The following RNF212 variants were observed in gnomAD, a reference collection of about 807,000 sequenced individuals.
The protein encoded by RNF212 is probable E3 SUMO-protein ligase RNF212.
Under a neutral mutation model 34.7 loss-of-function variants are expected in RNF212, and 33 were observed. The observed-to-expected ratio is 0.95, with a 90% CI of 0.72 to 1.27. The LOEUF is 1.27. RNF212 is among the 50% of genes most tolerant of loss of function. RNF212 has a pLI of 0.00. For missense variants in RNF212, 377 were observed against 362.2 expected, an observed-to-expected ratio of 1.04 and a Z score of -0.33; for synonymous variants, 140 against 136.1, an observed-to-expected ratio of 1.03 and a Z score of -0.20.
At chr4:1,091,539 C>T (rs905514520) in intron 3 of RNF212, among the ~76,000 whole-genome samples, 2 of 152,176 alleles carry the variant, frequency 1.3e-5, no homozygotes, top group Non-Finnish European at 2.9e-5. Context: ...TGAAAGTCGG[C>T]GTCCTCTAGC....
intron 3 of RNF212, among the ~76,000 whole-genome samples, chr4:1,061,234 T>C (rs1039822443): frequency 1.3e-5 from 2 of 152,046 alleles, no homozygotes; most frequent in East Asian, 1.9e-4. Flanking sequence ...CCTACCCCAC[T>C]CTACCCAGCA....
chr4:1,083,516 TA>T (rs1339552884), intron 5 of RNF212, among the ~76,000 whole-genome samples: 2 of 152,018 alleles, frequency 1.3e-5, no homozygotes, highest in Non-Finnish European at 2.9e-5. Flanking sequence ...GGTGGGGCTG[TA>T]ATCCCAGCTA....
At chr4:1,073,768 C>T (rs868745518) in intron 8 of RNF212, 106 bp from the exon 9 acceptor site, 1 of 760,112 alleles carries the variant, frequency 1.3e-6, no homozygotes, top group Non-Finnish European at 2.3e-6. Context: ...CCCCATCTCC[C>T]TCATCTTTAT....
chr4:1,090,839 C>T lies in RNF212; in HGVS notation c.247-1G>A, dbSNP rs997211888. ...TGTGTTTTTCTTGAAATTCTAAAAT[C>T]TGAAAAGATCATAGGTTTCAGCTGC... On this transcript the variant is annotated splice_acceptor_variant, in intron 3 of 9. Coordinates refer to ENST00000433731, the MANE Select transcript of RNF212 (RefSeq NM_001131034.4). LOFTEE classifies it high-confidence loss of function. 6.3e-7 allele frequency: 1 copy of T among 1,581,800 alleles called. No individual in the cohort carries two copies. The highest frequency in any genetic ancestry group is 8.7e-7 in the Non-Finnish European group (1 of 1,151,490).
At chr4:1,104,859 C>T (rs886801585) in intron 2 of RNF212, among the ~76,000 whole-genome samples, 5 of 152,166 alleles carry the variant, frequency 3.3e-5, no homozygotes, top group Non-Finnish European at 7.4e-5. Flanking sequence ...GGCAGGACAG[C>T]TAAGAAACAC....
At chr4:1,093,981 T>C (rs1722636531) in intron 3 of RNF212, 2 of 1,535,880 alleles carry the variant, frequency 1.3e-6, no homozygotes, top group Non-Finnish European at 1.7e-6. Flanking sequence ...GGGCATAACT[T>C]GAGACGGCAA....
chr4:1,078,419 T>G (rs1719689141), intron 8 of RNF212, among the ~76,000 whole-genome samples: 1 of 152,166 alleles, frequency 6.6e-6, no homozygotes, highest in Non-Finnish European at 1.5e-5. Flanking sequence ...CATCTGGCGC[T>G]GAGTTCTGCC....
intron 8 of RNF212, among the ~76,000 whole-genome samples, chr4:1,075,345 A>G (rs559245063): frequency 1.3e-4 from 20 of 152,378 alleles, no homozygotes; most frequent in African/African-American, 4.8e-4. Context: ...TAACTGGCTC[A>G]TGCTTCTGAG....
At position 1,090,370 on chromosome 4, in the gene RNF212, C is replaced by A. The variant is rs541864921; in HGVS notation, c.303+412G>T. Among the ~76,000 whole-genome samples the A allele has an allele frequency of 2.0e-5, 3 of 152,256 alleles. No homozygotes were observed. In the South Asian group the frequency reaches 6.2e-4, roughly 32 times the overall value. The stretch of plus-strand genomic sequence containing the variant: ...GACTTGGGGAAGCGGCCCCAGGTTC[C>A]CTTGTCTTTAAAGCTGGGTTCCTGA... On this transcript the variant is annotated intron_variant, in intron 4 of 9. Coordinates refer to ENST00000433731, the MANE Select transcript of RNF212 (RefSeq NM_001131034.4).
chr4:1,097,951 G>A (rs1380284342), intron 2 of RNF212, among the ~76,000 whole-genome samples: 4 of 152,110 alleles, frequency 2.6e-5, no homozygotes, highest in African/African-American at 9.7e-5. Context: ...TGTAATCCCA[G>A]CTACTTGGGA....
At chr4:1,081,348 T>A in intron 7 of RNF212, 71 bp downstream of exon 7, 1 of 1,247,448 alleles carries the variant, frequency 8.0e-7, no homozygotes. Flanking sequence ...GGGGTGGGGT[T>A]GGGATGGGAA....
chr4:1,056,951 TG>T, intron 4 of RNF212: 1 of 987,970 alleles, frequency 1.0e-6, no homozygotes, highest in South Asian at 4.7e-5. Flanking sequence ...CCCTGGTAAC[TG>T]TGGTGTTGGC....
intron 3 of RNF212, among the ~76,000 whole-genome samples, chr4:1,060,805 C>T (rs558833760): frequency 6.6e-6 from 1 of 152,322 alleles, no homozygotes; most frequent in African/African-American, 2.4e-5. Context: ...TCAGACAGCC[C>T]CACACACTGC....
intron 8 of RNF212, among the ~76,000 whole-genome samples, chr4:1,076,051 G>T (rs183824160): frequency 1.3e-5 from 2 of 152,264 alleles, no homozygotes; most frequent in Non-Finnish European, 1.5e-5. Flanking sequence ...TGTTAATCCT[G>T]GTCAATTTTA....
chr4:1,068,351 T>C (rs1412210648), downstream of RNF212, among the ~76,000 whole-genome samples: 1 of 152,224 alleles, frequency 6.6e-6, no homozygotes, highest in Non-Finnish European at 1.5e-5. Flanking sequence ...TGTCCTTCTA[T>C]TGTCTTGATT....
chr4:1,113,432 G>A lies in RNF212; in HGVS notation c.33C>T (p.Phe11=), dbSNP rs748719440. 6.2e-7 allele frequency: 1 copy of A among 1,608,068 alleles called. No individual in the cohort carries two copies. The highest frequency in any genetic ancestry group is 2.3e-5 in the East Asian group (1 of 44,312). ...AGCACGACGTCCTGTGGGGCGGCTG[G>A]AAGCAGCGATTACAGAACACCCAGT... MANWVFCNRC[F]QPPHRTSCFS... is the part of the protein sequence containing the mutation. The change falls in exon 1 of 10, where the codon TTC becomes TTT. Residue 11 remains phenylalanine, a synonymous_variant. Transcript: ENST00000433731.
chr4:1,096,877 T>A, intron 2 of RNF212, 38 bp from the exon 3 acceptor site: 2 of 1,442,322 alleles, frequency 1.4e-6, no homozygotes, highest in Non-Finnish European at 2.0e-6. Flanking sequence ...TTATTGTGTC[T>A]AATAAACGCT....
chr4:1,104,052 T>A (rs1724435535), intron 2 of RNF212, among the ~76,000 whole-genome samples: 1 of 152,218 alleles, frequency 6.6e-6, no homozygotes, highest in South Asian at 2.1e-4. Context: ...AGAAAATCCA[T>A]TGCATTTTTA....
intron 3 of RNF212, among the ~76,000 whole-genome samples, chr4:1,065,523 A>C (rs961703030): frequency 1.2e-5 from 1 of 81,126 alleles, no homozygotes; most frequent in Non-Finnish European, 2.5e-5. Flanking sequence ...TCTGGGGTGC[A>C]GTGGTATGAT....
Sources: allele counts gnomAD v4.1 joint callset (sites outside exome capture counted in the v4.1 genomes callset), GRCh38; gene constraint gnomAD v4.1.1; transcripts MANE v1.5; gene names NCBI Gene and HGNC (gene_info 2026-07-23, HGNC 2026-07-21).